PPP1R13B: variants seen among roughly 807,000 people sequenced by gnomAD.
The protein encoded by PPP1R13B is protein phosphatase 1 regulatory subunit 13B, also known as apoptosis-stimulating of p53 protein 1.
PPP1R13B carries 44 observed loss-of-function variants against 119.8 expected under a neutral mutation model. The ratio of observed to expected loss-of-function variants is 0.37; its 90% CI spans 0.29 to 0.47. The LOEUF (loss-of-function observed/expected upper bound fraction) is 0.47. PPP1R13B is among the 20% of genes least tolerant of loss of function. The pLI is 0.99. For missense variants in PPP1R13B, 1,227 were observed against 1,413.5 expected (o/e 0.87, Z 2.12); for synonymous variants, 542 against 561.5 (o/e 0.97, Z 0.49).
At position 103,742,967 on chromosome 14, in the gene PPP1R13B, A is replaced by T; in HGVS notation, c.1151-144T>A. The T allele has an allele frequency of 2.3e-6, 2 of 856,492 alleles. No homozygotes were observed. The highest frequency in any genetic ancestry group is 3.6e-6 in the Non-Finnish European group (2 of 552,616). The allele number at this position is 856,492 out of a possible 1,614,324, so 53.1% of individuals were successfully genotyped here. On this transcript the variant is annotated intron_variant, in intron 9 of 16. Coordinates refer to ENST00000202556, the MANE Select transcript of PPP1R13B (RefSeq NM_015316.3). The surrounding 1 kb of genome is among the most constrained non-coding windows in gnomAD (Gnocchi z 4.9). ...TTAACCGAGTGGTCAACCACCAGCC[A>T]CATGCACAACTGCTGATCTCCTCCA...
At chr14:103,795,605 G>A (rs2085740413) in intron 2 of PPP1R13B, among the ~76,000 whole-genome samples, 1 of 152,108 alleles carries the variant, frequency 6.6e-6, no homozygotes, top group African/African-American at 2.4e-5. Context: ...CAATGGGAAG[G>A]CAGATGAGGA....
At chr14:103,778,892 T>C in intron 3 of PPP1R13B, 71 bp from the exon 4 acceptor site, 1 of 1,171,128 alleles carries the variant, frequency 8.5e-7, no homozygotes, top group Non-Finnish European at 1.3e-6. Flanking sequence ...CATTTCTTCA[T>C]GTATTCAAAT....
intron 4 of PPP1R13B, among the ~76,000 whole-genome samples, chr14:103,761,266 C>G (rs2084797697): frequency 8.2e-6 from 1 of 121,744 alleles, no homozygotes; most frequent in African/African-American, 3.3e-5. Context: ...AGAGCAAGAC[C>G]CTATATTTAA....
At position 103,740,750 on chromosome 14, in the gene PPP1R13B, C is replaced by A. The variant is rs1366914639; in HGVS notation, c.1823-157G>T. On this transcript the variant is annotated intron_variant, in intron 11 of 16. Coordinates refer to ENST00000202556, the MANE Select transcript of PPP1R13B (RefSeq NM_015316.3). This position sits in a 1 kb window ranked among gnomAD's most constrained non-coding sequence, Gnocchi z 4.6. ...TTTCAAATCTCTGAGGAAACCTCCC[C>A]CTCTTAGAGCCTCCACTGACTCCTT... is the stretch of plus-strand genomic sequence containing the variant. Among the ~76,000 whole-genome samples, 1 of 152,210 alleles carries A rather than the reference C, an allele frequency of 6.6e-6. No individual in the cohort carries two copies. Among genetic ancestry groups the A allele is most frequent in the Non-Finnish European group, 1.5e-5 (1 of 68,046 alleles).
intron 1 of PPP1R13B, among the ~76,000 whole-genome samples, chr14:103,836,776 G>GAAA (rs11394353): frequency 5.2e-5 from 6 of 114,832 alleles, no homozygotes; most frequent in African/African-American, 9.4e-5. Flanking sequence ...TCTCAGAAAA[G>GAAA]AAAAAAAAAA....
chr14:103,762,086 T>A (rs946252047), intron 4 of PPP1R13B, among the ~76,000 whole-genome samples: 3 of 152,248 alleles, frequency 2.0e-5, no homozygotes, highest in Non-Finnish European at 2.9e-5. Context: ...CCTGAAGTGC[T>A]TTCCTGTCCT....
chr14:103,847,100 G>A, intron 1 of PPP1R13B, 199 bp downstream of exon 1: 1 of 986,006 alleles, frequency 1.0e-6, no homozygotes, highest in South Asian at 4.6e-5. Context: ...GGCGGCCCCG[G>A]CCCCGCGCTG....
intron 3 of PPP1R13B, among the ~76,000 whole-genome samples, chr14:103,784,583 C>CAAAAAAAA (rs546875688): frequency 8.3e-5 from 5 of 60,570 alleles, no homozygotes; most frequent in Non-Finnish European, 1.2e-4. Flanking sequence ...ACTCTGTCTC[C>CAAAAAAAA]AAAAAAAAAA....
intron 5 of PPP1R13B, among the ~76,000 whole-genome samples, chr14:103,755,721 A>G (rs2084662380): frequency 6.6e-6 from 1 of 152,226 alleles, no homozygotes; most frequent in Non-Finnish European, 1.5e-5. Context: ...TTGAACAGCA[A>G]TACTCTTGGA....
intron 9 of PPP1R13B, among the ~76,000 whole-genome samples, chr14:103,743,549 G>C (rs564848709): frequency 6.6e-6 from 1 of 152,192 alleles, no homozygotes; most frequent in Non-Finnish European, 1.5e-5. Context: ...TATAACACAG[G>C]CTCCTGGTTC....
chr14:103,829,126 T>C (rs1386478640), intron 1 of PPP1R13B, among the ~76,000 whole-genome samples: 4 of 152,308 alleles, frequency 2.6e-5, no homozygotes, highest in South Asian at 2.1e-4. Flanking sequence ...AGTGGCTTAA[T>C]TGTAACAGTA....
intron 2 of PPP1R13B, among the ~76,000 whole-genome samples, chr14:103,793,772 A>G (rs1449054928): frequency 6.6e-6 from 1 of 152,228 alleles, no homozygotes; most frequent in African/African-American, 2.4e-5. Context: ...TGCCATTAGA[A>G]CTGACACCTG....
chr14:103,740,525 G>C lies in PPP1R13B; in HGVS notation c.1891C>G (p.Leu631Val), dbSNP rs993880747. 6.3e-7 allele frequency: 1 copy of C among 1,586,292 alleles called. No individual in the cohort carries two copies. ...PSPLPFLHGS[L>V]STGTPQPQPP... ...TGAGGCTGTGGTGTGCCCGTGGACA[G>C]TGACCCGTGAAGAAACGGCAGCGGC... is the stretch of plus-strand genomic sequence containing the variant. The change falls in exon 12 of 17, where the codon CTG (leucine) becomes GTG (valine). Residue 631 changes from leucine (L) to valine (V), a missense_variant. Coordinates refer to ENST00000202556, the MANE Select transcript of PPP1R13B (RefSeq NM_015316.3). The surrounding 1 kb of genome is among the most constrained non-coding windows in gnomAD (Gnocchi z 4.6).
intron 15 of PPP1R13B, 43 bp from the exon 16 acceptor site, chr14:103,736,245 C>T (rs1312059509): frequency 6.3e-7 from 1 of 1,591,648 alleles, no homozygotes; most frequent in East Asian, 2.2e-5. Context: ...AGAGGGTGGC[C>T]TGCAGCAAGG....
At chr14:103,765,558 T>C (rs2084918417) in intron 4 of PPP1R13B, among the ~76,000 whole-genome samples, 1 of 152,168 alleles carries the variant, frequency 6.6e-6, no homozygotes, top group Non-Finnish European at 1.5e-5. Flanking sequence ...TTGCCCTAAA[T>C]AAAGGCTGCT....
At position 103,737,501 on chromosome 14, in the gene PPP1R13B, G is replaced by A. The variant is rs1392471222; in HGVS notation, c.3031+193C>T. The stretch of plus-strand genomic sequence containing the variant: ...TGAAGTGGGAGGATCAATTGAGCCC[G>A]GGAGGTCGAGGCTGCAGTGAGCCAT... On this transcript the variant is annotated intron_variant, in intron 15 of 16. Coordinates refer to ENST00000202556, the MANE Select transcript of PPP1R13B (RefSeq NM_015316.3). 2.6e-5 allele frequency: 16 copies of A among 608,084 alleles called. 1 individual carries two copies. The South Asian group carries it at 2.7e-4, about 10-fold the overall frequency. The allele number at this position is 608,084 out of a possible 1,614,324, so 37.7% of individuals were successfully genotyped here.
chr14:103,771,066 ACCC>A (rs1202330156), intron 4 of PPP1R13B, among the ~76,000 whole-genome samples: 1 of 151,944 alleles, frequency 6.6e-6, no homozygotes, highest in Non-Finnish European at 1.5e-5. Flanking sequence ...TATGAAATGA[ACCC>A]CCCAACAGAA....
chr14:103,812,404 G>A (rs141834861), intron 1 of PPP1R13B, among the ~76,000 whole-genome samples: 3,138 of 151,636 alleles, frequency 0.021, 62 homozygotes, highest in Middle Eastern at 0.048. Flanking sequence ...GATTACAGGC[G>A]TGAGCCACCG....
At chr14:103,736,360 C>T in intron 15 of PPP1R13B, 158 bp from the exon 16 acceptor site, 1 of 717,418 alleles carries the variant, frequency 1.4e-6, no homozygotes, top group Non-Finnish European at 2.3e-6. Context: ...AAGACTAGGG[C>T]CCCCACCCGA....
Sources: gnomAD v4.1 joint callset for allele counts (sites outside exome capture counted in the v4.1 genomes callset) on GRCh38, gnomAD v4.1.1 for gene constraint, Gnocchi (gnomAD v3.1) non-coding constraint, MANE v1.5 for transcripts, NCBI Gene and HGNC (gene_info 2026-07-23, HGNC 2026-07-21) for gene names.